COL24A1: variants seen among roughly 807,000 people sequenced by gnomAD.
COL24A1 encodes collagen alpha-1(XXIV) chain.
Under a neutral mutation model 253.9 loss-of-function variants are expected in COL24A1, and 224 were observed. That is an observed-to-expected ratio of 0.88 (90% confidence interval 0.79 to 0.99). The LOEUF (loss-of-function observed/expected upper bound fraction) is 0.99, where lower values mean the gene tolerates loss of function less well. COL24A1 is among the 50% of genes least tolerant of loss of function. The probability of loss-of-function intolerance (pLI) is 0.00; values close to 1 mark genes in which losing one functional copy is unlikely to be tolerated. For missense variants in COL24A1, 2,131 were observed against 2,068.5 expected, an observed-to-expected ratio of 1.03 and a Z score of -0.59; for synonymous variants, 685 against 673.7, an observed-to-expected ratio of 1.02 and a Z score of -0.26.
chr1:85,997,043 G>A (rs373511214), intron 19 of COL24A1, among the ~76,000 whole-genome samples: 36 of 45,090 alleles, frequency 8.0e-4, no homozygotes, highest in Middle Eastern at 0.012. Context: ...ATATATATAT[G>A]TGTGTGTGTG....
intron 7 of COL24A1, among the ~76,000 whole-genome samples, chr1:86,067,664 T>C (rs1020438558): frequency 6.6e-6 from 1 of 152,206 alleles, no homozygotes; most frequent in African/African-American, 2.4e-5. Context: ...TATATATTTG[T>C]AATATACTGA....
At chr1:85,970,155 A>C in intron 22 of COL24A1, 72 bp downstream of exon 22, 1 of 1,305,098 alleles carries the variant, frequency 7.7e-7, no homozygotes, top group Non-Finnish European at 1.1e-6. Flanking sequence ...AAATGTTATG[A>C]TGTTAAAAAC....
chr1:85,876,026 A>G, intron 33 of COL24A1, among the ~76,000 whole-genome samples: 1 of 152,122 alleles, frequency 6.6e-6, no homozygotes, highest in East Asian at 1.9e-4. Flanking sequence ...GGTCTGCAGA[A>G]ATTAAATCAT....
At chr1:85,935,014 T>A (rs2103122843) in intron 24 of COL24A1, among the ~76,000 whole-genome samples, 1 of 152,094 alleles carries the variant, frequency 6.6e-6, no homozygotes, top group Non-Finnish European at 1.5e-5. Flanking sequence ...GACAACCATA[T>A]AATAATTGAA....
At chr1:85,811,538 T>C (rs1672537790) in intron 47 of COL24A1, among the ~76,000 whole-genome samples, 1 of 152,226 alleles carries the variant, frequency 6.6e-6, no homozygotes, top group African/African-American at 2.4e-5. Flanking sequence ...CAGTATTGTG[T>C]CATTTACCTT....
At chr1:85,780,165 TGA>T (rs1451657636) in intron 52 of COL24A1, among the ~76,000 whole-genome samples, 1 of 152,162 alleles carries the variant, frequency 6.6e-6, no homozygotes, top group African/African-American at 2.4e-5. Flanking sequence ...ACAGAAATAC[TGA>T]GTTATACATT....
chr1:86,033,927 T>A lies in COL24A1; in HGVS notation c.1951-4A>T. 1 of 1,592,028 alleles carries A rather than the reference T, an allele frequency of 6.3e-7. No homozygotes were observed. Among genetic ancestry groups the A allele is most frequent in the Non-Finnish European group, 8.5e-7 (1 of 1,171,570 alleles). On this transcript the variant is annotated splice_polypyrimidine_tract_variant and splice_region_variant and intron_variant, in intron 12 of 59. Coordinates refer to ENST00000370571, the MANE Select transcript of COL24A1 (RefSeq NM_152890.7). ...CTCCAAAGTCACCTGGAAAACCCTG[T>A]CACAGGGAAAGAGGAAGAATGCCAA...
At chr1:85,858,672 CTT>C (rs1491229045) in intron 37 of COL24A1, among the ~76,000 whole-genome samples, 115 of 149,896 alleles carry the variant, frequency 7.7e-4, no homozygotes, top group African/African-American at 2.4e-3. Context: ...TCCTTCCTTC[CTT>C]CCTTCCCTCC....
chr1:86,022,943 T>C lies in COL24A1; in HGVS notation c.2103+11A>G, dbSNP rs1407948245. The C allele has an allele frequency of 6.2e-7, 1 of 1,613,242 alleles. No individual in the cohort carries two copies. The stretch of plus-strand genomic sequence containing the variant: ...TAAAGGGAAATATCCATTATACAAA[T>C]AGAACCATACCATTGGGCCAGGAAT... On this transcript the variant is annotated intron_variant, in intron 15 of 59. Coordinates refer to ENST00000370571, the MANE Select transcript of COL24A1 (RefSeq NM_152890.7).
chr1:86,121,574 T>G (rs1238594916), intron 3 of COL24A1, among the ~76,000 whole-genome samples: 1 of 152,022 alleles, frequency 6.6e-6, no homozygotes, highest in African/African-American at 2.4e-5. Flanking sequence ...AGAAACTCTT[T>G]GATGAAAGCC....
chr1:85,771,322 A>G (rs113465352), intron 53 of COL24A1, among the ~76,000 whole-genome samples: 2 of 151,266 alleles, frequency 1.3e-5, no homozygotes, highest in South Asian at 4.2e-4. Flanking sequence ...TCATTTTTCA[A>G]CTCCCAATTA....
intron 18 of COL24A1, among the ~76,000 whole-genome samples, chr1:86,020,474 T>C (rs1228781629): frequency 2.6e-5 from 4 of 152,164 alleles, no homozygotes; most frequent in African/African-American, 7.2e-5. Flanking sequence ...GGTCTTTGTC[T>C]CTCTAGCCAA....
At chr1:85,955,954 C>T (rs1352450056) in intron 24 of COL24A1, among the ~76,000 whole-genome samples, 2 of 152,178 alleles carry the variant, frequency 1.3e-5, no homozygotes, top group South Asian at 2.1e-4. Context: ...TAAGATATTA[C>T]AGAGCAAAAT....
At chr1:86,115,031 G>A (rs554532880) in intron 4 of COL24A1, among the ~76,000 whole-genome samples, 13 of 152,134 alleles carry the variant, frequency 8.5e-5, no homozygotes, top group African/African-American at 2.2e-4. Flanking sequence ...TAGATATTGC[G>A]ATCACTTTAT....
intron 5 of COL24A1, among the ~76,000 whole-genome samples, chr1:86,093,980 C>A (rs76896181): frequency 0.29 from 43,744 of 151,860 alleles, 7,536 homozygotes; most frequent in Non-Finnish European, 0.38. Context: ...TTGAAAAAGT[C>A]AAAAAATAAC....
At chr1:85,896,802 G>A (rs1466368494) in intron 28 of COL24A1, among the ~76,000 whole-genome samples, 1 of 152,154 alleles carries the variant, frequency 6.6e-6, no homozygotes, top group Non-Finnish European at 1.5e-5. Flanking sequence ...ACCGCGCACG[G>A]CCAAGATGTT....
At chr1:85,794,604 A>G (rs1670629725) in intron 47 of COL24A1, among the ~76,000 whole-genome samples, 1 of 152,220 alleles carries the variant, frequency 6.6e-6, no homozygotes, top group South Asian at 2.1e-4. Context: ...TCATACAAGT[A>G]AAGAACAAAC....
At chr1:86,108,643 AAAAAAAAT>A (rs1249488769) in intron 5 of COL24A1, among the ~76,000 whole-genome samples, 4 of 148,066 alleles carry the variant, frequency 2.7e-5, no homozygotes, top group African/African-American at 7.6e-5. Flanking sequence ...AAAAAAAAAA[AAAAAAAAT>A]TTTAAATTAG....
chr1:86,076,216 G>C (rs1349434451), intron 7 of COL24A1, among the ~76,000 whole-genome samples: 2 of 152,100 alleles, frequency 1.3e-5, no homozygotes, highest in Non-Finnish European at 2.9e-5. Flanking sequence ...CAAAATCACT[G>C]TGCAAAAATC....
Sources: gnomAD v4.1 joint callset for allele counts (sites outside exome capture counted in the v4.1 genomes callset) on GRCh38, gnomAD v4.1.1 for gene constraint, MANE v1.5 for transcripts, NCBI Gene and HGNC (gene_info 2026-07-23, HGNC 2026-07-21) for gene names.